The following MAGEC3 variants were observed in gnomAD, a reference collection of about 807,000 sequenced individuals.
MAGEC3 encodes melanoma-associated antigen C3.
A neutral mutation model predicts 35.3 loss-of-function variants in MAGEC3; 34 were observed. The ratio of observed to expected loss-of-function variants is 0.96; its 90% CI spans 0.73 to 1.28. The LOEUF (loss-of-function observed/expected upper bound fraction) is 1.28. MAGEC3 is among the 50% of genes most tolerant of loss of function. The pLI is 0.00. For synonymous variants in MAGEC3, 202 were observed against 185.6 expected, an observed-to-expected ratio of 1.09 and a Z score of -0.72; for missense variants, 561 against 483.6, an observed-to-expected ratio of 1.16 and a Z score of -1.50.
At chrX:141,869,867 A>G (rs140215913) in intron 2 of MAGEC3, among the ~76,000 whole-genome samples, 1,799 of 111,674 alleles carry the variant, frequency 0.016, 42 homozygotes, top group African/African-American at 0.055. Flanking sequence ...CATACCATAC[A>G]GTTTTGGAAC....
At chrX:141,854,649 A>C (rs1337483849) in intron 1 of MAGEC3, among the ~76,000 whole-genome samples, 3 of 111,222 alleles carry the variant, frequency 2.7e-5, no homozygotes, top group Non-Finnish European at 5.7e-5. Context: ...TTCTTCCATG[A>C]TTGTGAGGCT....
intron 4 of MAGEC3, among the ~76,000 whole-genome samples, chrX:141,890,048 G>A (rs2018029871): frequency 8.9e-6 from 1 of 111,764 alleles, no homozygotes; most frequent in Admixed American, 9.5e-5. Flanking sequence ...ATTTAAGTGT[G>A]TTAACTTTAT....
rs1393274333 is a variant in MAGEC3 at position 141,897,381 on chromosome X, G to A, written c.1623G>A (p.Gln541=). The A allele has an allele frequency of 1.7e-6, 2 of 1,210,135 alleles. No homozygotes were observed. The highest frequency in any genetic ancestry group is 4.4e-5 in the Admixed American group (2 of 45,812). Residue 541 remains glutamine (Q), a synonymous_variant, in exon 7 of 8, where the codon CAG becomes CAA. Transcript: ENST00000298296. ...ATGAGGGAAGCCTGATTGATGACCAGGGCATGCCCAAGAACTGTCTCCTGA... is the reference window on the plus strand; with the variant it reads ...ATGAGGGAAGCCTGATTGATGACCAAGGCATGCCCAAGAACTGTCTCCTGA... ...LTYEGSLIDD[Q]GMPKNCLLIL...
At position 141,847,237 on chromosome X, in the gene MAGEC3, T is replaced by C. The variant is rs190825489; in HGVS notation, c.123+8799T>C. ...AGGAGAACAAGCACTTGTTACCCTC[T>C]TTCACGTTATTCAACCAAAAGAGTT... On this transcript the variant is annotated intron_variant, in intron 1 of 7. Transcript: ENST00000298296. 9.0e-5 allele frequency among the ~76,000 whole-genome samples: 10 copies of C among 110,886 alleles called. No homozygotes were observed. The East Asian group carries it at 2.6e-3, about 28-fold the overall frequency.
rs752647806 is a variant in MAGEC3, at chrX:141,897,761, A to G, written c.1861A>G (p.Thr621Ala). ...AGACAGAGCCCAGGCCATAATTGAC[A>G]CCACAGATGATGCTACTGCCATGGC... Reference protein sequence around the residue: ...MEDRAQAIIDTTDDATAMASA... With the variant: ...MEDRAQAIIDATDDATAMASA... The change falls in exon 8 of 8, where the codon ACC (threonine) becomes GCC (alanine). Residue 621 changes from threonine to alanine, a missense_variant. Coordinates refer to ENST00000298296, the MANE Select transcript of MAGEC3 (RefSeq NM_138702.1). 8.3e-7 allele frequency: 1 copy of G among 1,208,618 alleles called. No homozygotes were observed. The highest frequency in any genetic ancestry group is 1.1e-6 in the Non-Finnish European group (1 of 894,713).
At chrX:141,854,318 A>T (rs752755920) in intron 1 of MAGEC3, among the ~76,000 whole-genome samples, 46 of 111,292 alleles carry the variant, frequency 4.1e-4, no homozygotes, top group Non-Finnish European at 4.5e-4. Context: ...GGGAGTGGTC[A>T]AGAAAACTAC....
chrX:141,868,630 C>T (rs6634332), intron 2 of MAGEC3, among the ~76,000 whole-genome samples: 6,065 of 110,030 alleles, frequency 0.055, 242 homozygotes, highest in East Asian at 0.31. Context: ...TTTTAAAAGC[C>T]AAGCCTAGCC....
At chrX:141,886,846 C>T (rs2018006012) in intron 4 of MAGEC3, among the ~76,000 whole-genome samples, 1 of 111,485 alleles carries the variant, frequency 9.0e-6, no homozygotes, top group Admixed American at 9.5e-5. Flanking sequence ...GCTGCCTCTA[C>T]CTAGAAAAAT....
At chrX:141,851,520 A>C (rs1237820260) in intron 1 of MAGEC3, among the ~76,000 whole-genome samples, 2 of 110,652 alleles carry the variant, frequency 1.8e-5, no homozygotes, top group Non-Finnish European at 3.8e-5. Flanking sequence ...CATAAAATTA[A>C]TTATTAAAAG....
At chrX:141,894,226 C>G (rs73638715) in intron 4 of MAGEC3, among the ~76,000 whole-genome samples, 3,473 of 111,502 alleles carry the variant, frequency 0.031, 126 homozygotes, top group African/African-American at 0.11. Flanking sequence ...ACACTTGGTT[C>G]GTAGATATGG....
chrX:141,870,908 A>T (rs2017883317), intron 2 of MAGEC3, among the ~76,000 whole-genome samples: 1 of 112,074 alleles, frequency 8.9e-6, no homozygotes. Context: ...CATTTAGCAA[A>T]CCTAATATCT....
At chrX:141,897,542 T>C (rs184066782) in intron 7 of MAGEC3, 56 bp downstream of exon 7, 3 of 1,194,387 alleles carry the variant, frequency 2.5e-6, no homozygotes, top group East Asian at 3.0e-5. Context: ...CTGCTCACTA[T>C]ACATTGGGTG....
intron 1 of MAGEC3, among the ~76,000 whole-genome samples, chrX:141,847,258 G>A (rs1425181924): frequency 1.8e-5 from 2 of 110,826 alleles, no homozygotes; most frequent in Admixed American, 9.6e-5. Flanking sequence ...TCAACCAAAA[G>A]AGTTGTAGAT....
chrX:141,897,116 G>T lies in MAGEC3; in HGVS notation c.1358G>T (p.Arg453Met). 8.3e-7 allele frequency: 1 copy of T among 1,211,697 alleles called. No homozygotes were observed. The highest frequency in any genetic ancestry group is 1.1e-6 in the Non-Finnish European group (1 of 895,502). ...HALPESESLP[R>M]YALDEKVAEL... ...TTGCCAGAAAGTGAATCCTTGCCCA[G>T]GTATGCCCTGGATGAAAAGGTGGCT... The change falls in exon 7 of 8, where the codon AGG (arginine) becomes ATG (methionine). Residue 453 changes from arginine to methionine, a missense_variant. Physicochemically the swap from Arg to Met is moderately conservative, Grantham distance 91. Transcript: ENST00000298296.
At chrX:141,858,520 T>G (rs1032305343) in intron 1 of MAGEC3, among the ~76,000 whole-genome samples, 1 of 111,565 alleles carries the variant, frequency 9.0e-6, no homozygotes, top group Non-Finnish European at 1.9e-5. Context: ...TTTTTATGAC[T>G]TTATTTTATT....
chrX:141,883,060 G>A (rs2017977496), intron 4 of MAGEC3, among the ~76,000 whole-genome samples: 1 of 111,877 alleles, frequency 8.9e-6, no homozygotes, highest in Admixed American at 9.4e-5. Context: ...ATGAGGGAGA[G>A]AGGAGTCTCC....
intron 1 of MAGEC3, among the ~76,000 whole-genome samples, chrX:141,864,776 A>G (rs2017837720): frequency 8.9e-6 from 1 of 111,750 alleles, no homozygotes; most frequent in African/African-American, 3.3e-5. Flanking sequence ...TGAACTTAAA[A>G]TAAATTTAAA....
rs139908365 is a variant in MAGEC3 at position 141,845,213 on chromosome X, A to G, written c.123+6775A>G. 7.5e-3 allele frequency among the ~76,000 whole-genome samples: 835 copies of G among 111,113 alleles called. 9 individuals are homozygous for G. The highest frequency in any genetic ancestry group is 0.025 in the African/African-American group (780 of 30,774). On this transcript the variant is annotated intron_variant, in intron 1 of 7. Transcript: ENST00000298296. The stretch of plus-strand genomic sequence containing the variant: ...TTATAATTTCATTTAGATACAAATA[A>G]AGAACTAAATTAAAAGAGAGGTAAA...
At chrX:141,888,720 G>T (rs1180017556) in intron 4 of MAGEC3, among the ~76,000 whole-genome samples, 1 of 111,677 alleles carries the variant, frequency 9.0e-6, no homozygotes, top group Non-Finnish European at 1.9e-5. Context: ...GTTATGCATG[G>T]GCTCTGCAAC....
Sources: gnomAD v4.1 joint callset for allele counts (sites outside exome capture counted in the v4.1 genomes callset) on GRCh38, gnomAD v4.1.1 for gene constraint, MANE v1.5 for transcripts, NCBI Gene and HGNC (gene_info 2026-07-23, HGNC 2026-07-21) for gene names.